The following DAG1 variants were observed in gnomAD, a reference collection of about 807,000 sequenced individuals.
The protein encoded by DAG1 is dystroglycan 1.
DAG1 carries 8 observed loss-of-function variants against 46.1 expected under a neutral mutation model. The observed-to-expected ratio is 0.17, with a 90% CI of 0.10 to 0.31. The LOEUF (loss-of-function observed/expected upper bound fraction) is 0.31. Among genes scored for constraint, DAG1 ranks in the 10% least tolerant of loss-of-function variants. DAG1 has a pLI of 1.00. For synonymous variants in DAG1, 495 were observed against 481.8 expected (o/e 1.03, Z -0.36); for missense variants, 1,003 against 1,189.9 (o/e 0.84, Z 2.31).
intron 2 of DAG1, 61 bp from the exon 3 acceptor site, chr3:49,530,736 G>T: frequency 6.2e-7 from 1 of 1,611,612 alleles, no homozygotes; most frequent in South Asian, 1.1e-5. Context: ...TAACTGTTGT[G>T]ATCATATTCA....
chr3:49,492,761 C>CA (rs2050221589), intron 1 of DAG1: 1 of 151,970 alleles, frequency 6.6e-6, no homozygotes, highest in Admixed American at 6.6e-5. Context: ...GTAGCAGCTC[C>CA]AAGGTACTTT....
rs1559579950 is a variant in DAG1 at position 49,532,216 on chromosome 3, C to T, written c.1705C>T (p.His569Tyr). 6.2e-7 allele frequency: 1 copy of T among 1,614,098 alleles called. No homozygotes were observed. Among genetic ancestry groups the T allele is most frequent in the Non-Finnish European group, 8.5e-7 (1 of 1,179,930 alleles). ...CATGTATGGCCTTCCCGACAGCAGC[C>T]ACGTGGGCAAACACGAGTATTTCAT... The part of the protein sequence containing the change: ...QLMYGLPDSS[H>Y]VGKHEYFMHA... The change falls in exon 3 of 3, where the codon CAC becomes TAC. Residue 569 changes from histidine (H) to tyrosine (Y), a missense_variant. By Grantham distance (83) the His-to-Tyr change is moderately conservative (BLOSUM62 2). Around this residue, in one of 3 missense-constraint regions of DAG1, gnomAD observed 755 missense variants for 854.1 expected, o/e 0.88. Transcript: ENST00000308775. The surrounding 1 kb of genome is among the most constrained non-coding windows in gnomAD (Gnocchi z 5.4).
chr3:49,512,832 A>G (rs2050799588), intron 2 of DAG1, among the ~76,000 whole-genome samples: 1 of 150,296 alleles, frequency 6.7e-6, no homozygotes, highest in Non-Finnish European at 1.5e-5. Context: ...GTTACAAAAA[A>G]TTTTTTTTAG....
At position 49,533,128 on chromosome 3, in the gene DAG1, A is replaced by C. The variant is rs768623507; in HGVS notation, c.2617A>C (p.Met873Leu). The change falls in exon 3 of 3, where the codon ATG becomes CTG. Residue 873 changes from methionine (M) to leucine (L), a missense_variant. Coordinates refer to ENST00000308775, the MANE Select transcript of DAG1 (RefSeq NM_004393.6). Reference protein sequence around the residue: ...YQPPPPFTAPMEGKGSRPKNM... With the variant: ...YQPPPPFTAPLEGKGSRPKNM... Reference sequence around the variant, plus strand: ...GCCCCCACCGCCCTTCACAGCACCCATGGAGGGCAAGGGCTCCCGTCCCAA... The same window carrying C: ...GCCCCCACCGCCCTTCACAGCACCCCTGGAGGGCAAGGGCTCCCGTCCCAA... 1 of 1,614,064 alleles carries C rather than the reference A, an allele frequency of 6.2e-7. No homozygotes were observed. Among genetic ancestry groups the C allele is most frequent in the South Asian group, 1.1e-5 (1 of 91,082 alleles).
intron 1 of DAG1, among the ~76,000 whole-genome samples, chr3:49,489,145 G>C (rs544024887): frequency 6.6e-6 from 1 of 151,888 alleles, no homozygotes; most frequent in African/African-American, 2.4e-5. Flanking sequence ...GCCCAGGCTG[G>C]AGTGCAATGG....
intron 2 of DAG1, among the ~76,000 whole-genome samples, chr3:49,521,073 C>T (rs766574912): frequency 6.6e-6 from 1 of 152,106 alleles, no homozygotes; most frequent in Admixed American, 6.6e-5. Flanking sequence ...GCCATTTGCT[C>T]TTTCTTCAGG....
intron 1 of DAG1, among the ~76,000 whole-genome samples, chr3:49,481,379 AGAGT>A (rs1220951837): frequency 7.0e-6 from 1 of 142,226 alleles, no homozygotes; most frequent in South Asian, 2.4e-4. Context: ...CCTGGGCGAC[AGAGT>A]GAGACTCTGC....
intron 1 of DAG1, among the ~76,000 whole-genome samples, chr3:49,471,653 A>G (rs2049521434): frequency 6.6e-6 from 1 of 152,188 alleles, no homozygotes; most frequent in Admixed American, 6.5e-5. Context: ...TGGGATATAA[A>G]AGCTTGTGCT....
chr3:49,526,786 T>C (rs1395812547), intron 2 of DAG1, among the ~76,000 whole-genome samples: 1 of 152,204 alleles, frequency 6.6e-6, no homozygotes, highest in Non-Finnish European at 1.5e-5. Context: ...AAAATAAAGC[T>C]CATTTCTCAT....
At chr3:49,506,223 C>T (rs9821311) in intron 1 of DAG1, among the ~76,000 whole-genome samples, 45,122 of 152,080 alleles carry the variant, frequency 0.3, 7,187 homozygotes, top group Middle Eastern at 0.31. Flanking sequence ...GGTGATTCAC[C>T]GGCCTCAGCC....
At chr3:49,504,326 A>G (rs2050538107) in intron 1 of DAG1, among the ~76,000 whole-genome samples, 3 of 151,914 alleles carry the variant, frequency 2.0e-5, no homozygotes. Flanking sequence ...GAGCGTATCC[A>G]TAGTTCATTC....
At chr3:49,493,397 A>T (rs1044493237) in intron 1 of DAG1, among the ~76,000 whole-genome samples, 36 of 152,208 alleles carry the variant, frequency 2.4e-4, no homozygotes, top group African/African-American at 8.7e-4. Context: ...ATTTCCAAAT[A>T]ATTAGTATGG....
chr3:49,485,220 C>G (rs1378545729), intron 1 of DAG1, among the ~76,000 whole-genome samples: 1 of 151,774 alleles, frequency 6.6e-6, no homozygotes, highest in Non-Finnish European at 1.5e-5. Flanking sequence ...CGTGATCTGC[C>G]CGCCTCAGGC....
intron 2 of DAG1, among the ~76,000 whole-genome samples, chr3:49,529,243 G>A (rs1047513358): frequency 1.3e-5 from 2 of 152,038 alleles, no homozygotes; most frequent in African/African-American, 4.8e-5. Context: ...GTGTTGGCCA[G>A]GGTGGTCTCT....
intron 1 of DAG1, among the ~76,000 whole-genome samples, chr3:49,495,511 G>A (rs1300625542): frequency 1.3e-5 from 2 of 152,070 alleles, no homozygotes; most frequent in Admixed American, 1.3e-4. Context: ...TTGATGCAAC[G>A]CGGGTGCAAG....
At chr3:49,488,715 G>C (rs1180479417) in intron 1 of DAG1, 1 of 151,788 alleles carries the variant, frequency 6.6e-6, no homozygotes, top group Non-Finnish European at 1.5e-5. Context: ...CGATTCCCCT[G>C]CCTCAGCTTC....
At chr3:49,529,748 A>T (rs143553159) in intron 2 of DAG1, among the ~76,000 whole-genome samples, 6 of 152,326 alleles carry the variant, frequency 3.9e-5, no homozygotes, top group African/African-American at 1.2e-4. Context: ...GCATTGGGGC[A>T]GGAGTAGGTG....
intron 2 of DAG1, among the ~76,000 whole-genome samples, chr3:49,525,775 G>A (rs969003262): frequency 1.8e-4 from 27 of 151,518 alleles, no homozygotes; most frequent in African/African-American, 6.6e-4. Flanking sequence ...AGCCAGGATG[G>A]TCTTGATCTC....
At chr3:49,491,650 G>C (rs956580397) in intron 1 of DAG1, among the ~76,000 whole-genome samples, 1 of 151,890 alleles carries the variant, frequency 6.6e-6, no homozygotes, top group African/African-American at 2.4e-5. Context: ...CTAATTTTTT[G>C]TATTTTTAGT....
Sources: gnomAD v4.1 joint callset for allele counts (sites outside exome capture counted in the v4.1 genomes callset) on GRCh38, gnomAD v4.1.1 for gene constraint, gnomAD v4.1.1 regional missense constraint, Gnocchi (gnomAD v3.1) non-coding constraint, MANE v1.5 for transcripts, NCBI Gene and HGNC (gene_info 2026-07-23, HGNC 2026-07-21) for gene names.